The following GALNTL6 variants were observed in gnomAD, a reference collection of about 807,000 sequenced individuals.
The protein encoded by GALNTL6 is polypeptide N-acetylgalactosaminyltransferase-like 6.
GALNTL6 carries 46 observed loss-of-function variants against 73.7 expected under a neutral mutation model. That is an observed-to-expected ratio of 0.62 (90% confidence interval 0.49 to 0.80). The LOEUF is 0.80. Ranked by LOEUF, GALNTL6 falls within the 30% of genes least tolerant of loss-of-function variation. The pLI is 0.00. For synonymous variants in GALNTL6, 259 were observed against 263.7 expected (o/e 0.98, Z 0.17); for missense variants, 604 against 755.0 (o/e 0.80, Z 2.34).
intron 10 of GALNTL6, among the ~76,000 whole-genome samples, chr4:172,995,286 C>T (rs1163445116): frequency 6.6e-6 from 1 of 152,116 alleles, no homozygotes; most frequent in East Asian, 1.9e-4. Flanking sequence ...GAAAATACAG[C>T]TGCATGCCAT....
intron 7 of GALNTL6, among the ~76,000 whole-genome samples, chr4:172,823,819 T>C (rs1579528594): frequency 1.3e-5 from 2 of 152,184 alleles, no homozygotes; most frequent in African/African-American, 2.4e-5. Flanking sequence ...AAAATTAAAA[T>C]CATTTTTAAA....
intron 5 of GALNTL6, among the ~76,000 whole-genome samples, chr4:172,370,466 A>G (rs1382725031): frequency 4.6e-5 from 7 of 151,544 alleles, no homozygotes; most frequent in Admixed American, 4.6e-4. Flanking sequence ...TCTACTAAAA[A>G]TACCAAAAAA....
chr4:172,433,376 A>T (rs1048308091), intron 5 of GALNTL6, among the ~76,000 whole-genome samples: 2 of 151,788 alleles, frequency 1.3e-5, no homozygotes, highest in Non-Finnish European at 2.9e-5. Flanking sequence ...GCCTGCTCCC[A>T]CCTCATACAC....
At chr4:172,329,675 C>A (rs1741059808) in intron 4 of GALNTL6, among the ~76,000 whole-genome samples, 1 of 152,048 alleles carries the variant, frequency 6.6e-6, no homozygotes, top group South Asian at 2.1e-4. Context: ...CTGCACTGTG[C>A]CAGGAAACTG....
chr4:172,236,607 T>C (rs186841688), intron 3 of GALNTL6, among the ~76,000 whole-genome samples: 144 of 152,146 alleles, frequency 9.5e-4, no homozygotes, highest in Middle Eastern at 3.4e-3. Context: ...TGCATTTCAT[T>C]ACATACTTTG....
chr4:172,103,121 G>A (rs1016947043), intron 2 of GALNTL6, among the ~76,000 whole-genome samples: 1 of 152,100 alleles, frequency 6.6e-6, no homozygotes, highest in Admixed American at 6.5e-5. Context: ...TCCTTCTAGA[G>A]AGACTGCAAT....
intron 2 of GALNTL6, among the ~76,000 whole-genome samples, chr4:172,176,784 A>T (rs1032697753): frequency 6.6e-6 from 1 of 152,134 alleles, no homozygotes; most frequent in Non-Finnish European, 1.5e-5. Flanking sequence ...GCAAGACCCT[A>T]TCTCTAGAAA....
intron 5 of GALNTL6, among the ~76,000 whole-genome samples, chr4:172,552,842 A>AAAAAAAAC (rs1736006833): frequency 6.7e-6 from 1 of 149,128 alleles, no homozygotes; most frequent in Non-Finnish European, 1.5e-5. Flanking sequence ...TGCAGTAAAA[A>AAAAAAAAC]AAAAAAAAAA....
In GALNTL6 at chr4:172,648,795, C is replaced by A. The variant is rs545183157; in HGVS notation, c.554-160566C>A. On this transcript the variant is annotated intron_variant, in intron 5 of 12. Transcript: ENST00000506823. ...CATTCTAGGCCTTTTCTCCTGCCAG[C>A]TTCAAGATGTCACCTGGTAAATAAT... is the stretch of plus-strand genomic sequence containing the variant. 7.2e-5 allele frequency among the ~76,000 whole-genome samples: 11 copies of A among 152,302 alleles called. No individual in the cohort carries two copies. The South Asian group carries it at 2.1e-3, about 29-fold the overall frequency.
intron 5 of GALNTL6, among the ~76,000 whole-genome samples, chr4:172,498,438 A>T (rs1256651029): frequency 1.3e-5 from 2 of 152,136 alleles, no homozygotes; most frequent in African/African-American, 4.8e-5. Context: ...TATAGTATAA[A>T]TTTTTTACAC....
chr4:172,483,883 T>C (rs1733581135), intron 5 of GALNTL6, among the ~76,000 whole-genome samples: 1 of 152,066 alleles, frequency 6.6e-6, no homozygotes, highest in Admixed American at 6.6e-5. Flanking sequence ...ATAAATAAAT[T>C]AGAAATGAAG....
rs749521091 is a variant in GALNTL6 at position 172,489,233 on chromosome 4, A to G, written c.553+140544A>G. On this transcript the variant is annotated intron_variant, in intron 5 of 12. Transcript: ENST00000506823. ...CTTCTATAGTATAATTCTCCAAAAC[A>G]ATTGAAATTACCATTGAGTCATACA... is the stretch of plus-strand genomic sequence containing the variant. 3.4e-4 allele frequency among the ~76,000 whole-genome samples: 52 copies of G among 152,180 alleles called. 1 individual carries two copies. Among genetic ancestry groups the G allele is most frequent in the Admixed American group, 5.9e-4 (9 of 15,276 alleles).
intron 2 of GALNTL6, among the ~76,000 whole-genome samples, chr4:171,900,071 T>C (rs1184586439): frequency 6.6e-6 from 1 of 152,158 alleles, no homozygotes; most frequent in Non-Finnish European, 1.5e-5. Flanking sequence ...TGGAGTATAG[T>C]GTCACCAAAA....
chr4:172,643,191 A>G (rs867184582), intron 5 of GALNTL6, among the ~76,000 whole-genome samples: 1 of 152,006 alleles, frequency 6.6e-6, no homozygotes, highest in South Asian at 2.1e-4. Flanking sequence ...CCTCAGCTGA[A>G]GTAGATGAGG....
intron 8 of GALNTL6, among the ~76,000 whole-genome samples, chr4:172,886,853 CA>C (rs564434489): frequency 3.1e-4 from 47 of 152,018 alleles, no homozygotes; most frequent in African/African-American, 1.1e-3. Flanking sequence ...ATTTTAGATT[CA>C]GGGGGTACAC....
At chr4:172,983,351 A>G (rs981108897) in intron 10 of GALNTL6, among the ~76,000 whole-genome samples, 17 of 152,266 alleles carry the variant, frequency 1.1e-4, no homozygotes, top group African/African-American at 3.4e-4. Context: ...GTTTGTGATC[A>G]TTTGTTCCAG....
At chr4:172,542,270 G>T (rs969965282) in intron 5 of GALNTL6, among the ~76,000 whole-genome samples, 1 of 151,894 alleles carries the variant, frequency 6.6e-6, no homozygotes, top group African/African-American at 2.4e-5. Context: ...AAGGCTGGTC[G>T]CCCCATTCTA....
intron 5 of GALNTL6, among the ~76,000 whole-genome samples, chr4:172,432,743 G>A (rs1047760654): frequency 6.6e-6 from 1 of 151,466 alleles, no homozygotes; most frequent in Non-Finnish European, 1.5e-5. Context: ...TAAAAATCTG[G>A]TCACAAAAAA....
At chr4:172,559,058 A>ACTT (rs1736248991) in intron 5 of GALNTL6, among the ~76,000 whole-genome samples, 1 of 77,380 alleles carries the variant, frequency 1.3e-5, no homozygotes, top group African/African-American at 5.4e-5. Flanking sequence ...ATGATAATGG[A>ACTT]TTTTTTTTTT....
Sources: allele counts gnomAD v4.1 joint callset (sites outside exome capture counted in the v4.1 genomes callset), GRCh38; gene constraint gnomAD v4.1.1; transcripts MANE v1.5; gene names NCBI Gene and HGNC (gene_info 2026-07-23, HGNC 2026-07-21).